AGBL1: variants seen among roughly 807,000 people sequenced by gnomAD.
The protein encoded by AGBL1 is cytosolic carboxypeptidase 4.
A neutral mutation model predicts 118.9 loss-of-function variants in AGBL1; 130 were observed. That is an observed-to-expected ratio of 1.09 (90% CI 0.95 to 1.26). The LOEUF (loss-of-function observed/expected upper bound fraction) is 1.26. AGBL1 is among the 50% of genes most tolerant of loss of function. The probability of loss-of-function intolerance (pLI) is 0.00; values close to 1 mark genes in which losing one functional copy is unlikely to be tolerated. For synonymous variants in AGBL1, 555 were observed against 478.9 expected, an observed-to-expected ratio of 1.16 and a Z score of -2.08; for missense variants, 1,584 against 1,298.1, an observed-to-expected ratio of 1.22 and a Z score of -3.38.
chr15:86,817,526 C>G (rs1310980505), intron 22 of AGBL1, among the ~76,000 whole-genome samples: 1 of 144,516 alleles, frequency 6.9e-6, no homozygotes, highest in Non-Finnish European at 1.5e-5. Context: ...CAGGCATACA[C>G]ACACACACAC....
chr15:86,630,723 G>A (rs72762036), intron 21 of AGBL1: 1 of 152,126 alleles, frequency 6.6e-6, no homozygotes, highest in Non-Finnish European at 1.5e-5. Flanking sequence ...CAGATAGCTC[G>A]AGAGGACAAC....
chr15:86,670,464 T>G (rs977493885), intron 21 of AGBL1, among the ~76,000 whole-genome samples: 12 of 151,538 alleles, frequency 7.9e-5, no homozygotes, highest in African/African-American at 2.9e-4. Context: ...ATTAGCTGGG[T>G]GTGGTGGCAG....
chr15:86,340,780 A>G (rs998214067), intron 17 of AGBL1, among the ~76,000 whole-genome samples: 1 of 152,170 alleles, frequency 6.6e-6, no homozygotes, highest in Middle Eastern at 3.2e-3. Context: ...AGAATTGCGT[A>G]TCCAGGTTTT....
chr15:86,985,124 G>A (rs758512723), intron 23 of AGBL1, among the ~76,000 whole-genome samples: 9 of 151,808 alleles, frequency 5.9e-5, no homozygotes, highest in Non-Finnish European at 1.3e-4. Context: ...GCTATATTGT[G>A]TTTTTCCATT....
In AGBL1 at chr15:86,966,228, G is replaced by A. The variant is rs562034309; in HGVS notation, c.3222-21759G>A. ...ACAAAACAAAAATGTGAAAATAGCT[G>A]TAACAGAGCTTAAGGTCCAGTCTGA... On this transcript the variant is annotated intron_variant, in intron 23 of 24. Coordinates refer to the AGBL1 transcript ENST00000441037. Among the ~76,000 whole-genome samples the A allele has an allele frequency of 3.3e-5, 5 of 149,450 alleles. 1 individual carries two copies. The highest frequency in any genetic ancestry group is 2.0e-4 in the East Asian group (1 of 5,086).
At chr15:86,147,618 G>A (rs578035607) in intron 3 of AGBL1, among the ~76,000 whole-genome samples, 55 of 152,294 alleles carry the variant, frequency 3.6e-4, no homozygotes, top group African/African-American at 1.3e-3. Context: ...CTCCAACTGG[G>A]TAGAGCCCAC....
Position 86,339,915 on chromosome 15 carries a change from G to A in AGBL1, c.2374+44507G>A, listed in dbSNP as rs993605189. On this transcript the variant is annotated intron_variant, in intron 17 of 22. Coordinates refer to ENST00000614907, the MANE Select transcript of AGBL1 (RefSeq NM_001386094.1). ...TGGGAGGCAGAGGTTGCAGTGAGCC[G>A]GGATTGTGCCACTGCCCTCCAGCCT... 3.9e-5 allele frequency among the ~76,000 whole-genome samples: 6 copies of A among 151,968 alleles called. No homozygotes were observed. The South Asian group carries it at 1.0e-3, about 26-fold the overall frequency.
intron 18 of AGBL1, among the ~76,000 whole-genome samples, chr15:86,436,388 A>G (rs1327611364): frequency 3.3e-5 from 5 of 151,400 alleles, no homozygotes; most frequent in Non-Finnish European, 7.4e-5. Context: ...AAATTAAGCT[A>G]AGGAAAAAAA....
At chr15:86,308,165 C>T (rs1334744010) in intron 17 of AGBL1, among the ~76,000 whole-genome samples, 1 of 152,102 alleles carries the variant, frequency 6.6e-6, no homozygotes, top group Non-Finnish European at 1.5e-5. Context: ...ATCTGAGTTA[C>T]TCATTTTTCA....
At chr15:86,343,246 A>G (rs1026875618) in intron 17 of AGBL1, among the ~76,000 whole-genome samples, 2 of 152,170 alleles carry the variant, frequency 1.3e-5, no homozygotes, top group Non-Finnish European at 2.9e-5. Flanking sequence ...ATAATACAAA[A>G]GATTAGATAA....
At chr15:86,656,183 G>A (rs779145489) in intron 21 of AGBL1, among the ~76,000 whole-genome samples, 1 of 152,192 alleles carries the variant, frequency 6.6e-6, no homozygotes, top group Non-Finnish European at 1.5e-5. Flanking sequence ...TTTATAGGAA[G>A]TCTTTATTCT....
At chr15:86,680,680 C>T (rs985019216) in intron 22 of AGBL1, among the ~76,000 whole-genome samples, 2 of 148,204 alleles carry the variant, frequency 1.3e-5, no homozygotes, top group Non-Finnish European at 3.0e-5. Flanking sequence ...GATTATCCTG[C>T]CTTAGTCTCT....
intron 24 of AGBL1, among the ~76,000 whole-genome samples, chr15:87,010,443 T>C (rs976243382): frequency 6.6e-6 from 1 of 152,150 alleles, no homozygotes; most frequent in Non-Finnish European, 1.5e-5. Context: ...AATGGACTAA[T>C]ACACCACCCA....
intron 17 of AGBL1, among the ~76,000 whole-genome samples, chr15:86,331,820 A>C (rs74585631): frequency 8.5e-5 from 13 of 152,366 alleles, no homozygotes; most frequent in African/African-American, 3.1e-4. Flanking sequence ...GAACAACATA[A>C]CTATACCTGC....
intron 24 of AGBL1, among the ~76,000 whole-genome samples, chr15:87,020,387 C>G (rs2081652754): frequency 6.6e-6 from 1 of 152,188 alleles, no homozygotes; most frequent in East Asian, 1.9e-4. Context: ...CAACCCACAG[C>G]CAATATCACA....
chr15:87,014,215 TTCA>T, intron 24 of AGBL1, among the ~76,000 whole-genome samples: 1 of 152,178 alleles, frequency 6.6e-6, no homozygotes. Flanking sequence ...TGATAGTTTC[TTCA>T]TCATCACAAT....
chr15:86,514,159 C>CACAT (rs779228484), intron 18 of AGBL1, among the ~76,000 whole-genome samples: 1 of 151,266 alleles, frequency 6.6e-6, no homozygotes, highest in African/African-American at 2.4e-5. Context: ...CACACACACA[C>CACAT]ACATACACAT....
intron 17 of AGBL1, among the ~76,000 whole-genome samples, chr15:86,365,126 GGAAAA>G (rs1346777783): frequency 4.0e-5 from 6 of 151,376 alleles, no homozygotes; most frequent in South Asian, 2.1e-4. Context: ...GCCCTGCTGA[GGAAAA>G]GAAAAGTCTA....
intron 17 of AGBL1, among the ~76,000 whole-genome samples, chr15:86,370,301 C>CT (rs5814238): frequency 0.37 from 48,720 of 130,882 alleles, 9,918 homozygotes; most frequent in East Asian, 0.63. Context: ...GTCTCTATTC[C>CT]TTTTTTTTTT....
Sources: gnomAD v4.1 joint callset for allele counts (sites outside exome capture counted in the v4.1 genomes callset) on GRCh38, gnomAD v4.1.1 for gene constraint, MANE v1.5 for transcripts, NCBI Gene and HGNC (gene_info 2026-07-23, HGNC 2026-07-21) for gene names.